The following UTRN variants were observed in gnomAD, a reference collection of about 807,000 sequenced individuals.
The protein encoded by UTRN is utrophin, also known as dystrophin-related protein 1.
In UTRN, 283 loss-of-function variants were observed where a neutral mutation model predicts 463.9. That is an observed-to-expected ratio of 0.61 (90% CI 0.55 to 0.67). The LOEUF (loss-of-function observed/expected upper bound fraction) is 0.67, where lower values mean the gene tolerates loss of function less well. Among genes scored for constraint, UTRN ranks in the 30% least tolerant of loss-of-function variants. The pLI, the probability that UTRN is intolerant of heterozygous loss-of-function variation, is 0.00. For missense variants in UTRN, 3,922 were observed against 4,084.3 expected (o/e 0.96, Z 1.08); for synonymous variants, 1,442 against 1,431.5 (o/e 1.01, Z -0.17).
chr6:144,351,377 A>G (rs916308908), intron 2 of UTRN, among the ~76,000 whole-genome samples: 1 of 152,158 alleles, frequency 6.6e-6, no homozygotes, highest in Non-Finnish European at 1.5e-5. Flanking sequence ...TCGTCCTTCA[A>G]TTTAGATTCG....
In UTRN at chr6:144,428,899, G is replaced by T; in HGVS notation, c.694+6G>T. ...AAAGCTGTTAGATCCTGAAGGTATTGTCCAGTATTTAATTTCCACCTTGAT... is the reference window on the plus strand; with the variant it reads ...AAAGCTGTTAGATCCTGAAGGTATTTTCCAGTATTTAATTTCCACCTTGAT... On this transcript the variant is annotated splice_donor_region_variant and intron_variant, in intron 8 of 74. Transcript: ENST00000367545. 1.3e-6 allele frequency: 2 copies of T among 1,565,838 alleles called. No individual in the cohort carries two copies. Among genetic ancestry groups the T allele is most frequent in the Non-Finnish European group, 1.7e-6 (2 of 1,149,866 alleles).
chr6:144,673,354 T>G (rs185132469), intron 51 of UTRN, among the ~76,000 whole-genome samples: 13 of 152,230 alleles, frequency 8.5e-5, no homozygotes, highest in African/African-American at 2.6e-4. Context: ...ATTTGGGAGC[T>G]CCTATGTTAG....
intron 34 of UTRN, among the ~76,000 whole-genome samples, chr6:144,509,306 C>A (rs768092065): frequency 5.9e-5 from 9 of 151,632 alleles, no homozygotes; most frequent in Non-Finnish European, 7.4e-5. Context: ...ATATACTTTT[C>A]GGTTTTTTTA....
At chr6:144,299,985 G>A (rs1439441873) in intron 2 of UTRN, among the ~76,000 whole-genome samples, 1 of 152,066 alleles carries the variant, frequency 6.6e-6, no homozygotes, top group East Asian at 1.9e-4. Flanking sequence ...TTTAAAAGAT[G>A]TATAGTGATT....
rs532673637 is a variant in UTRN, at chr6:144,313,431, A to C, written c.79+21524A>C. Reference sequence around the variant, plus strand: ...ATACATATGCTTTGATCACAATTTCATGGGCCAAGTTTGAGTTTGGAATTT... The same window carrying C: ...ATACATATGCTTTGATCACAATTTCCTGGGCCAAGTTTGAGTTTGGAATTT... On this transcript the variant is annotated intron_variant, in intron 2 of 74. Transcript: ENST00000367545. Among the ~76,000 whole-genome samples the C allele has an allele frequency of 2.6e-5, 4 of 152,308 alleles. No homozygotes were observed. In the East Asian group the frequency reaches 7.7e-4, roughly 29 times the overall value.
At chr6:144,776,571 T>A (rs1402008044) in intron 60 of UTRN, among the ~76,000 whole-genome samples, 1 of 152,170 alleles carries the variant, frequency 6.6e-6, no homozygotes, top group African/African-American at 2.4e-5. Flanking sequence ...ATGGACCCAA[T>A]GCCCTGCTTA....
chr6:144,655,302 G>A (rs1485092182), intron 51 of UTRN, among the ~76,000 whole-genome samples: 1 of 152,160 alleles, frequency 6.6e-6, no homozygotes, highest in Admixed American at 6.5e-5. Context: ...CGAAATGTAT[G>A]GACTGGTCTC....
At chr6:144,802,201 T>C (rs925982578) in intron 64 of UTRN, among the ~76,000 whole-genome samples, 3 of 152,184 alleles carry the variant, frequency 2.0e-5, no homozygotes, top group African/African-American at 7.2e-5. Context: ...TTAGTGTATG[T>C]GATTGTTTCA....
At chr6:144,679,398 A>G (rs1370155663) in intron 52 of UTRN, among the ~76,000 whole-genome samples, 1 of 152,164 alleles carries the variant, frequency 6.6e-6, no homozygotes, top group East Asian at 1.9e-4. Flanking sequence ...AAAGCAGAAC[A>G]TTGGCAGGAA....
At chr6:144,413,350 G>A (rs1241966555) in intron 3 of UTRN, among the ~76,000 whole-genome samples, 2 of 152,148 alleles carry the variant, frequency 1.3e-5, no homozygotes, top group Admixed American at 6.5e-5. Context: ...ACTCCAGACT[G>A]GGTAATTTAT....
chr6:144,335,954 G>A (rs1776685330), intron 2 of UTRN, among the ~76,000 whole-genome samples: 2 of 152,088 alleles, frequency 1.3e-5, no homozygotes, highest in Admixed American at 1.3e-4. Context: ...TCATTCCCAA[G>A]TAGAGATAGG....
chr6:144,378,298 A>G (rs990334469), intron 2 of UTRN, among the ~76,000 whole-genome samples: 11 of 152,338 alleles, frequency 7.2e-5, no homozygotes, highest in Admixed American at 7.2e-4. Flanking sequence ...AACACTTTCA[A>G]TAAGCTTATT....
rs1794057425 is a variant in UTRN at position 144,771,832 on chromosome 6, G to A, written c.8496-75G>A. On this transcript the variant is annotated intron_variant, in intron 58 of 74. Transcript: ENST00000367545. ...AATTTGAAAAAAATCATTTCTACTTGGGTATTTCGTTTTTGGCCTATATGA... is the reference window on the plus strand; with the variant it reads ...AATTTGAAAAAAATCATTTCTACTTAGGTATTTCGTTTTTGGCCTATATGA... 3 of 1,164,714 alleles carry A rather than the reference G, an allele frequency of 2.6e-6. No homozygotes were observed. The South Asian group carries it at 4.2e-5, about 16-fold the overall frequency. The allele number at this position is 1,164,714 out of a possible 1,614,324, so 72.1% of individuals were successfully genotyped here.
chr6:144,557,108 A>T (rs780196475), intron 49 of UTRN, 49 bp from the exon 50 acceptor site: 1 of 1,589,450 alleles, frequency 6.3e-7, no homozygotes, highest in Non-Finnish European at 8.6e-7. Flanking sequence ...TGATTATACT[A>T]ATTACTGAGT....
At chr6:144,459,998 A>G (rs1431929939) in intron 21 of UTRN, among the ~76,000 whole-genome samples, 1 of 147,188 alleles carries the variant, frequency 6.8e-6, no homozygotes, top group Non-Finnish European at 1.5e-5. Context: ...ATGATTTTTA[A>G]AGATTTTTTT....
At chr6:144,648,904 G>T (rs1778533031) in intron 51 of UTRN, among the ~76,000 whole-genome samples, 1 of 152,100 alleles carries the variant, frequency 6.6e-6, no homozygotes, top group African/African-American at 2.4e-5. Context: ...GATTCTATAG[G>T]TCATTTGAGG....
chr6:144,344,356 C>T (rs751133570), intron 2 of UTRN: 60 of 1,303,082 alleles, frequency 4.6e-5, no homozygotes, highest in Non-Finnish European at 5.4e-5. Context: ...TCTTAAGAAA[C>T]GTCTATGAAG....
intron 3 of UTRN, among the ~76,000 whole-genome samples, chr6:144,412,535 C>A (rs536136758): frequency 1.3e-5 from 2 of 151,972 alleles, no homozygotes; most frequent in South Asian, 4.1e-4. Context: ...TAAATTATTT[C>A]TTTTTGAATT....
chr6:144,713,584 A>T (rs1785997471), intron 53 of UTRN, among the ~76,000 whole-genome samples: 1 of 150,878 alleles, frequency 6.6e-6, no homozygotes, highest in Non-Finnish European at 1.5e-5. Flanking sequence ...ATTGTACTCC[A>T]GCCTGGGCAA....
Sources: gnomAD v4.1 joint callset for allele counts (sites outside exome capture counted in the v4.1 genomes callset) on GRCh38, gnomAD v4.1.1 for gene constraint, MANE v1.5 for transcripts, NCBI Gene and HGNC (gene_info 2026-07-23, HGNC 2026-07-21) for gene names.